The following GOLGA5 variants were observed in gnomAD, a reference collection of about 807,000 sequenced individuals.
GOLGA5 encodes golgin A5.
A neutral mutation model predicts 93.5 loss-of-function variants in GOLGA5; 50 were observed. That is an observed-to-expected ratio of 0.53 (90% confidence interval 0.43 to 0.68). The LOEUF is 0.68. Among genes scored for constraint, GOLGA5 ranks in the 30% least tolerant of loss-of-function variants. The pLI is 0.00. For missense variants in GOLGA5, 760 were observed against 856.4 expected, an observed-to-expected ratio of 0.89 and a Z score of 1.40; for synonymous variants, 312 against 304.5, an observed-to-expected ratio of 1.02 and a Z score of -0.26.
intron 2 of GOLGA5, among the ~76,000 whole-genome samples, chr14:92,801,731 T>G (rs1406983220): frequency 1.6e-5 from 1 of 61,720 alleles, no homozygotes; most frequent in African/African-American, 9.8e-5. Context: ...TCAATTCCCT[T>G]TTTCTTTTTT....
intron 6 of GOLGA5, among the ~76,000 whole-genome samples, chr14:92,815,589 C>T (rs1036322430): frequency 5.9e-5 from 9 of 152,030 alleles, no homozygotes; most frequent in African/African-American, 2.2e-4. Context: ...GCAATCCCAG[C>T]ACTTTGGGAG....
At chr14:92,828,272 C>CT (rs1288351258) in intron 9 of GOLGA5, among the ~76,000 whole-genome samples, 2 of 152,160 alleles carry the variant, frequency 1.3e-5, no homozygotes, top group Admixed American at 6.5e-5. Flanking sequence ...CTGCTGGTGA[C>CT]TTTAAGTTAA....
Position 92,815,182 on chromosome 14 carries a change from C to T in GOLGA5, c.1321-1069C>T, listed in dbSNP as rs564692717. 2.0e-5 allele frequency among the ~76,000 whole-genome samples: 3 copies of T among 152,320 alleles called. No homozygotes were observed. The East Asian group carries it at 5.8e-4, about 29-fold the overall frequency. On this transcript the variant is annotated intron_variant, in intron 6 of 12. Coordinates refer to ENST00000163416, the MANE Select transcript of GOLGA5 (RefSeq NM_005113.4). ...CTAAAATACTATCTGAGCTGCATCTCACATTATTTTCTTACAGACTTTGTG... is the reference window on the plus strand; with the variant it reads ...CTAAAATACTATCTGAGCTGCATCTTACATTATTTTCTTACAGACTTTGTG...
At chr14:92,805,992 CAAAA>C (rs1185189556) in intron 2 of GOLGA5, among the ~76,000 whole-genome samples, 2 of 142,242 alleles carry the variant, frequency 1.4e-5, no homozygotes, top group Non-Finnish European at 3.1e-5. Context: ...AAAAAAAAAA[CAAAA>C]AACCTTGTAG....
intron 3 of GOLGA5, among the ~76,000 whole-genome samples, chr14:92,809,090 G>A (rs1264490374): frequency 6.6e-6 from 1 of 152,086 alleles, no homozygotes; most frequent in Non-Finnish European, 1.5e-5. Flanking sequence ...CTAGCTTCAC[G>A]CCCCTTTCTA....
At chr14:92,825,680 G>C (rs1178594851) in intron 9 of GOLGA5, among the ~76,000 whole-genome samples, 2 of 152,034 alleles carry the variant, frequency 1.3e-5, no homozygotes, top group African/African-American at 4.8e-5. Context: ...GGGCAACATA[G>C]TGAGACCTTG....
chr14:92,819,934 G>A, intron 8 of GOLGA5, 98 bp downstream of exon 8: 2 of 1,165,376 alleles, frequency 1.7e-6, no homozygotes, highest in African/African-American at 2.5e-5. Flanking sequence ...TTTAGAGTAT[G>A]GGCTTAGGGT....
intron 7 of GOLGA5, among the ~76,000 whole-genome samples, chr14:92,818,068 A>G (rs1409976618): frequency 6.6e-6 from 1 of 152,136 alleles, no homozygotes. Context: ...CAAACTTAGA[A>G]ATTGGGTAGA....
At chr14:92,830,514 C>G (rs1885508557) in intron 9 of GOLGA5, among the ~76,000 whole-genome samples, 1 of 151,984 alleles carries the variant, frequency 6.6e-6, no homozygotes, top group African/African-American at 2.4e-5. Context: ...TTAGACATCC[C>G]TGATTTAAAG....
intron 6 of GOLGA5, among the ~76,000 whole-genome samples, chr14:92,814,094 T>C (rs77058762): frequency 9.3e-4 from 142 of 152,204 alleles, no homozygotes; most frequent in Non-Finnish European, 1.5e-3. Flanking sequence ...GCAAAATTGA[T>C]GCAACATTGA....
rs145183128 is a variant in GOLGA5 at position 92,814,351 on chromosome 14, C to T, written c.1321-1900C>T. On this transcript the variant is annotated intron_variant, in intron 6 of 12. Transcript: ENST00000163416. ...ATGAAGCCAAGCAGAGGGAGAGTTT[C>T]AAGTGGTGCATGATCACCAACCACA... Among the ~76,000 whole-genome samples, 1,125 of 152,118 alleles carry T rather than the reference C, an allele frequency of 7.4e-3. 13 individuals carry two copies. The highest frequency in any genetic ancestry group is 0.025 in the African/African-American group (1,036 of 41,508).
chr14:92,823,298 A>G (rs554704668), intron 8 of GOLGA5, among the ~76,000 whole-genome samples: 1 of 152,012 alleles, frequency 6.6e-6, no homozygotes, highest in South Asian at 2.1e-4. Flanking sequence ...GTTCTCTTCC[A>G]TTAGTCACTT....
chr14:92,802,047 C>T (rs938901190), intron 2 of GOLGA5, among the ~76,000 whole-genome samples: 4 of 152,140 alleles, frequency 2.6e-5, no homozygotes, highest in Admixed American at 6.5e-5. Context: ...AGGATTTGCT[C>T]ATCAAGTTTC....
intron 5 of GOLGA5, chr14:92,810,643 T>C (rs1885085586): frequency 4.7e-6 from 1 of 214,970 alleles, no homozygotes; most frequent in East Asian, 9.5e-5. Flanking sequence ...TCATTGTCAT[T>C]ATTTGATTAA....
intron 2 of GOLGA5, 143 bp from the exon 3 acceptor site, chr14:92,806,592 CA>C (rs1884990738): frequency 3.3e-6 from 2 of 603,160 alleles, no homozygotes; most frequent in Non-Finnish European, 6.0e-6. Context: ...GGATTACAGG[CA>C]TGAGCCACCG....
intron 3 of GOLGA5, among the ~76,000 whole-genome samples, chr14:92,809,011 G>A (rs1885049391): frequency 6.6e-6 from 1 of 152,124 alleles, no homozygotes; most frequent in African/African-American, 2.4e-5. Flanking sequence ...AATATACTCT[G>A]CTATCTATTA....
At chr14:92,821,737 C>G (rs1885320923) in intron 8 of GOLGA5, among the ~76,000 whole-genome samples, 1 of 152,172 alleles carries the variant, frequency 6.6e-6, no homozygotes, top group Non-Finnish European at 1.5e-5. Flanking sequence ...TAATTCAACT[C>G]TATTTCCTGA....
intron 2 of GOLGA5, among the ~76,000 whole-genome samples, chr14:92,804,124 T>C (rs1215184818): frequency 2.0e-5 from 3 of 152,216 alleles, no homozygotes; most frequent in Admixed American, 1.3e-4. Context: ...TCATCTTTAA[T>C]GTAACCAAGG....
Position 92,816,384 on chromosome 14 carries a change from T to A in GOLGA5, c.1454T>A (p.Leu485Gln). ...KEMQREEIQK[L>Q]MGQIHQLRSE... The stretch of plus-strand genomic sequence containing the variant: ...ATGCAGAGGGAGGAAATACAGAAGC[T>A]GATGGGCCAGATACATCAGCTCAGA... Residue 485 changes from leucine to glutamine, a missense_variant, in exon 7 of 13, where the codon CTG (leucine) becomes CAG (glutamine). Coordinates refer to ENST00000163416, the MANE Select transcript of GOLGA5 (RefSeq NM_005113.4). 6.2e-7 allele frequency: 1 copy of A among 1,614,032 alleles called. No individual in the cohort carries two copies. The highest frequency in any genetic ancestry group is 8.5e-7 in the Non-Finnish European group (1 of 1,179,964).
Sources: allele counts gnomAD v4.1 joint callset (sites outside exome capture counted in the v4.1 genomes callset), GRCh38; gene constraint gnomAD v4.1.1; transcripts MANE v1.5; gene names NCBI Gene and HGNC (gene_info 2026-07-23, HGNC 2026-07-21).